The following SGCD variants were observed in gnomAD, a reference collection of about 807,000 sequenced individuals.
SGCD encodes the protein delta-sarcoglycan.
Under a neutral mutation model 36.6 loss-of-function variants are expected in SGCD, and 18 were observed. The ratio of observed to expected loss-of-function variants is 0.49; its 90% CI spans 0.34 to 0.73. The LOEUF is 0.73. SGCD is among the 30% of genes least tolerant of loss of function. The pLI is 0.01. For synonymous variants in SGCD, 133 were observed against 130.6 expected, an observed-to-expected ratio of 1.02 and a Z score of -0.12; for missense variants, 387 against 346.7, an observed-to-expected ratio of 1.12 and a Z score of -0.92.
chr5:156,698,155 A>G (rs1754391679), intron 7 of SGCD, among the ~76,000 whole-genome samples: 1 of 152,140 alleles, frequency 6.6e-6, no homozygotes, highest in South Asian at 2.1e-4. Flanking sequence ...GTCTAATAGG[A>G]ACAGTAAAAT....
chr5:156,197,450 T>C (rs1764048081), intron 3 of SGCD, among the ~76,000 whole-genome samples: 1 of 149,286 alleles, frequency 6.7e-6, no homozygotes, highest in Non-Finnish European at 1.5e-5. Context: ...CTCCATTAAC[T>C]CTTTAGAATT....
intron 1 of SGCD, among the ~76,000 whole-genome samples, chr5:155,929,020 C>T (rs1757049373): frequency 6.6e-6 from 1 of 152,084 alleles, no homozygotes; most frequent in Non-Finnish European, 1.5e-5. Flanking sequence ...CATTATAATA[C>T]TTTCAAACAA....
chr5:156,224,107 T>C (rs543128989), intron 3 of SGCD, among the ~76,000 whole-genome samples: 1 of 152,154 alleles, frequency 6.6e-6, no homozygotes, highest in African/African-American at 2.4e-5. Flanking sequence ...AAGTGTTTTA[T>C]ATGCCTCATT....
At chr5:156,739,832 A>G (rs13173992) in intron 7 of SGCD, 7 of 152,186 alleles carry the variant, frequency 4.6e-5, no homozygotes, top group Non-Finnish European at 4.4e-5. Flanking sequence ...TGTTTGTTTA[A>G]CCGCTCTGAA....
intron 4 of SGCD, among the ~76,000 whole-genome samples, chr5:156,523,152 G>T (rs1013150960): frequency 6.6e-6 from 1 of 152,084 alleles, no homozygotes; most frequent in Non-Finnish European, 1.5e-5. Context: ...AAGAAAGCAG[G>T]ATTTACCAAA....
chr5:155,903,294 T>A (rs1756428358), intron 1 of SGCD, among the ~76,000 whole-genome samples: 1 of 152,232 alleles, frequency 6.6e-6, no homozygotes, highest in Non-Finnish European at 1.5e-5. Context: ...TTCTTCCATG[T>A]ATTCTTGTAC....
the SGCD span, among the ~76,000 whole-genome samples, chr5:155,805,916 C>A: frequency 6.6e-6 from 1 of 152,150 alleles, no homozygotes; most frequent in East Asian, 1.9e-4. Flanking sequence ...AGGTGGGAAA[C>A]AAACCAAGCT....
intron 3 of SGCD, among the ~76,000 whole-genome samples, chr5:156,222,994 C>T (rs932885667): frequency 3.3e-5 from 5 of 152,072 alleles, no homozygotes; most frequent in African/African-American, 7.2e-5. Flanking sequence ...CTCCCCCTAC[C>T]CACCCAACAA....
chr5:156,709,522 G>A (rs1754891499), intron 7 of SGCD, among the ~76,000 whole-genome samples: 1 of 152,164 alleles, frequency 6.6e-6, no homozygotes, highest in Non-Finnish European at 1.5e-5. Flanking sequence ...GGTTTGTGCT[G>A]AAGACAAAAA....
At chr5:156,218,826 A>T (rs1034804586) in intron 3 of SGCD, among the ~76,000 whole-genome samples, 19 of 152,088 alleles carry the variant, frequency 1.2e-4, no homozygotes, top group Admixed American at 3.9e-4. Flanking sequence ...TACTGTTTTC[A>T]TGTTTATCTT....
intron 1 of SGCD, among the ~76,000 whole-genome samples, chr5:155,962,453 G>T (rs951620266): frequency 6.6e-6 from 1 of 151,996 alleles, no homozygotes; most frequent in Admixed American, 6.6e-5. Flanking sequence ...CATTGCCCTC[G>T]ATTGGATACT....
chr5:156,015,797 AACAC>A (rs111862726), intron 1 of SGCD, among the ~76,000 whole-genome samples: 4 of 147,452 alleles, frequency 2.7e-5, no homozygotes, highest in Non-Finnish European at 6.0e-5. Flanking sequence ...TGAACACACA[AACAC>A]ACACACACAC....
At chr5:155,924,722 T>A (rs1036713850) in intron 1 of SGCD, among the ~76,000 whole-genome samples, 4 of 152,206 alleles carry the variant, frequency 2.6e-5, no homozygotes, top group African/African-American at 9.6e-5. Flanking sequence ...AGGAGGAGAC[T>A]GAATTGGGGT....
the SGCD span, among the ~76,000 whole-genome samples, chr5:155,844,456 T>TGTGTGTGTGTGTGA: frequency 6.8e-6 from 1 of 148,070 alleles, no homozygotes; most frequent in Non-Finnish European, 1.5e-5. Flanking sequence ...TGTGTGTGTG[T>TGTGTGTGTGTGTGA]TATAAACAAG....
intron 3 of SGCD, among the ~76,000 whole-genome samples, chr5:156,182,857 C>A (rs922531847): frequency 6.6e-6 from 1 of 152,194 alleles, no homozygotes; most frequent in Non-Finnish European, 1.5e-5. Flanking sequence ...GATGCAAGAA[C>A]ACTTGTACAT....
At chr5:156,164,279 A>C (rs1180994743) in intron 3 of SGCD, among the ~76,000 whole-genome samples, 1 of 151,228 alleles carries the variant, frequency 6.6e-6, no homozygotes, top group Non-Finnish European at 1.5e-5. Context: ...TCCCCTTGGA[A>C]TAAATATAGA....
rs1248885382 is a variant in SGCD at position 156,444,128 on chromosome 5, CTCTCTCTCTCCTTCCCTT to C, written c.193-64455_193-64438del. On this transcript the variant is annotated intron_variant, in intron 3 of 8. Coordinates refer to ENST00000337851, the MANE Select transcript of SGCD (RefSeq NM_000337.6). ...TCTCTCTCTCTCTCCCCTTCCCTCT[CTCTCTCTCTCCTTCCCTT>C]TCTCTCTCTCCTTCCCTCTCTCTCT... Among the ~76,000 whole-genome samples the C allele has an allele frequency of 2.6e-3, 324 of 126,968 alleles. 19 individuals are homozygous for C. The highest frequency in any genetic ancestry group is 8.4e-3 in the East Asian group (35 of 4,156). 83.3% of individuals were successfully genotyped at this position (126,968 alleles called of 152,430 possible). A position where few individuals can be genotyped will look rare whatever the true frequency, so the allele number is the denominator to read the frequency against.
At chr5:155,733,924 A>G in the SGCD span, among the ~76,000 whole-genome samples, 3 of 151,908 alleles carry the variant, frequency 2.0e-5, no homozygotes, top group Non-Finnish European at 4.4e-5. Flanking sequence ...TGTCCTGCGC[A>G]CCTGTCAGCT....
At chr5:155,998,209 A>G (rs892661482) in intron 1 of SGCD, among the ~76,000 whole-genome samples, 35 of 152,206 alleles carry the variant, frequency 2.3e-4, no homozygotes, top group African/African-American at 7.7e-4. Context: ...CAAACTTCAT[A>G]AAAACAATTT....
Sources: allele counts gnomAD v4.1 joint callset (sites outside exome capture counted in the v4.1 genomes callset), GRCh38; gene constraint gnomAD v4.1.1; transcripts MANE v1.5; gene names NCBI Gene and HGNC (gene_info 2026-07-23, HGNC 2026-07-21).